SYT7: variants seen among roughly 807,000 people sequenced by gnomAD.
SYT7 encodes the protein synaptotagmin-7.
SYT7 carries 29 observed loss-of-function variants against 75.1 expected under a neutral mutation model. That is an observed-to-expected ratio of 0.39 (90% CI 0.29 to 0.53). The LOEUF (loss-of-function observed/expected upper bound fraction) is 0.53, where lower values mean the gene tolerates loss of function less well. Among genes scored for constraint, SYT7 ranks in the 20% least tolerant of loss-of-function variants. SYT7 has a pLI of 0.77. For synonymous variants in SYT7, 376 were observed against 401.7 expected, an observed-to-expected ratio of 0.94 and a Z score of 0.76; for missense variants, 693 against 953.2, an observed-to-expected ratio of 0.73 and a Z score of 3.59.
rs2063078633 is a variant in SYT7 at position 61,542,686 on chromosome 11, G to A, written c.573-107C>T. The A allele has an allele frequency of 2.0e-5, 28 of 1,396,206 alleles. No homozygotes were observed. The highest frequency in any genetic ancestry group is 1.6e-4 in the Admixed American group (5 of 31,424). The allele number at this position is 1,396,206 out of a possible 1,614,324, so 86.5% of individuals were successfully genotyped here. A position where few individuals can be genotyped will look rare whatever the true frequency, so the allele number is the denominator to read the frequency against. Reference sequence around the variant, plus strand: ...ACTAGGAGGCCCCAGTGCAGGGTGCGCGCTGCCGGACCTCGCCAGGCCTCC... The same window carrying A: ...ACTAGGAGGCCCCAGTGCAGGGTGCACGCTGCCGGACCTCGCCAGGCCTCC... On this transcript the variant is annotated intron_variant, in intron 5 of 12. Transcript: ENST00000539008. This position sits in a 1 kb window ranked among gnomAD's most constrained non-coding sequence, Gnocchi z 7.8.
intron 3 of SYT7, among the ~76,000 whole-genome samples, chr11:61,547,678 T>C (rs2063233148): frequency 2.0e-5 from 3 of 148,942 alleles, no homozygotes; most frequent in Admixed American, 6.7e-5. Context: ...GGGTTGGGGA[T>C]GAGGCCTGGG....
chr11:61,535,611 G>A (rs2062846904), intron 7 of SYT7, among the ~76,000 whole-genome samples: 1 of 152,172 alleles, frequency 6.6e-6, no homozygotes, highest in Non-Finnish European at 1.5e-5. Context: ...GGGGACTTCA[G>A]GGACACCAAG....
At chr11:61,560,195 A>G (rs886932224) in intron 1 of SYT7, among the ~76,000 whole-genome samples, 1 of 152,186 alleles carries the variant, frequency 6.6e-6, no homozygotes, top group African/African-American at 2.4e-5. Context: ...CTCAGATTCT[A>G]TACCCTTTGC....
chr11:61,571,513 G>A (rs2063919965), intron 1 of SYT7, among the ~76,000 whole-genome samples: 1 of 152,208 alleles, frequency 6.6e-6, no homozygotes, highest in African/African-American at 2.4e-5. Context: ...CAGTGACGTG[G>A]GCCACCACAC....
intron 9 of SYT7, chr11:61,525,733 C>T (rs1284773294): frequency 6.6e-6 from 1 of 152,214 alleles, no homozygotes; most frequent in African/African-American, 2.4e-5. Context: ...GCTTCTGGCA[C>T]ATAGTAGGCA....
At chr11:61,539,235 G>A (rs914881149) in intron 6 of SYT7, among the ~76,000 whole-genome samples, 2 of 152,170 alleles carry the variant, frequency 1.3e-5, no homozygotes, top group Non-Finnish European at 2.9e-5. Flanking sequence ...ACGGGGAGGG[G>A]GTAGGCAAGA....
chr11:61,552,102 C>A (rs1187219087), intron 2 of SYT7, among the ~76,000 whole-genome samples: 7 of 152,088 alleles, frequency 4.6e-5, no homozygotes, highest in Non-Finnish European at 8.8e-5. Flanking sequence ...CCCCTGCCCC[C>A]CAGAGTCCCT....
chr11:61,561,065 G>A (rs375623920), intron 1 of SYT7, among the ~76,000 whole-genome samples: 7 of 152,190 alleles, frequency 4.6e-5, no homozygotes, highest in East Asian at 3.9e-4. Context: ...AGGCAAAGCC[G>A]CCCCAGCCCT....
Position 61,547,206 on chromosome 11 carries a change from G to A in SYT7, c.318C>T (p.Ala106=). 6.5e-7 allele frequency: 1 copy of A among 1,535,724 alleles called. No homozygotes were observed. Among genetic ancestry groups the A allele is most frequent in the East Asian group, 2.4e-5 (1 of 40,906 alleles). ...KEFILNISPY[A]PYGDPRLSLN... ...GGGACAGTCGTGGGTCGCCATAAGG[G>A]GCGTAGGGTGAAATGTTTAGAATAA... Residue 106 remains alanine (A), a synonymous_variant, in exon 4 of 13, where the codon GCC becomes GCT. Coordinates refer to ENST00000539008, the MANE Select transcript of SYT7 (RefSeq NM_001365809.2).
At chr11:61,562,815 G>C (rs1222441996) in intron 1 of SYT7, among the ~76,000 whole-genome samples, 1 of 152,072 alleles carries the variant, frequency 6.6e-6, no homozygotes, top group Non-Finnish European at 1.5e-5. Flanking sequence ...ACCCAATCCG[G>C]TCCCTTACCA....
At chr11:61,529,207 T>C (rs1020573428) in intron 8 of SYT7, among the ~76,000 whole-genome samples, 4 of 152,164 alleles carry the variant, frequency 2.6e-5, no homozygotes, top group Non-Finnish European at 5.9e-5. Context: ...GGACCCTGGG[T>C]ACCACAGTTA....
intron 1 of SYT7, among the ~76,000 whole-genome samples, chr11:61,579,753 G>A (rs2064192772): frequency 6.6e-6 from 1 of 152,238 alleles, no homozygotes; most frequent in South Asian, 2.1e-4. Context: ...AGGGAGCCTG[G>A]AGGCTCTTCG....
At chr11:61,573,887 G>A (rs1005298978) in intron 1 of SYT7, among the ~76,000 whole-genome samples, 2 of 152,236 alleles carry the variant, frequency 1.3e-5, no homozygotes, top group East Asian at 1.9e-4. Context: ...GTCTGGCAGC[G>A]TGGCTGGAAT....
chr11:61,551,546 G>T lies in SYT7; in HGVS notation c.136-83C>A. 7.1e-7 allele frequency: 1 copy of T among 1,415,808 alleles called. No homozygotes were observed. 87.7% of individuals were successfully genotyped at this position (1,415,808 alleles called of 1,614,324 possible). On this transcript the variant is annotated intron_variant, in intron 2 of 12. Transcript: ENST00000539008. The surrounding 1 kb of genome is among the most constrained non-coding windows in gnomAD (Gnocchi z 5.3). ...CCCAGAACAGGGACCCGGAGGGGAAGGAGATAGACTGGAGTCGGGCCGTGG... is the reference window on the plus strand; with the variant it reads ...CCCAGAACAGGGACCCGGAGGGGAATGAGATAGACTGGAGTCGGGCCGTGG...
intron 3 of SYT7, among the ~76,000 whole-genome samples, chr11:61,548,792 G>A (rs980201662): frequency 2.0e-5 from 3 of 152,232 alleles, no homozygotes; most frequent in African/African-American, 4.8e-5. Flanking sequence ...GAAAGATGAA[G>A]AGAGGCTGAG....
chr11:61,530,912 C>A lies in SYT7; in HGVS notation c.1200+2077G>T, dbSNP rs370587998. ...ACAGTCAGGGAAGGTGCTTCCTGAG[C>A]GCTTGCACCAGCAGAAGTCAGCCTC... On this transcript the variant is annotated intron_variant, in intron 8 of 12. Coordinates refer to ENST00000539008, the MANE Select transcript of SYT7 (RefSeq NM_001365809.2). 12 of 985,426 alleles carry A rather than the reference C, an allele frequency of 1.2e-5. No homozygotes were observed. In the East Asian group the frequency reaches 1.0e-3, roughly 84 times the overall value. 61.0% of individuals were successfully genotyped at this position (985,426 alleles called of 1,614,324 possible).
In SYT7 at chr11:61,550,507, C is replaced by T. The variant is rs547521327; in HGVS notation, c.215+877G>A. Among the ~76,000 whole-genome samples the T allele has an allele frequency of 4.6e-5, 7 of 152,172 alleles. No homozygotes were observed. The South Asian group carries it at 1.5e-3, about 32-fold the overall frequency. ...TGGAGGTAGGGAGGGATGGGGCGCT[C>T]GGCTTCTAGGCAGAGCCCTTTGGCT... is the stretch of plus-strand genomic sequence containing the variant. On this transcript the variant is annotated intron_variant, in intron 3 of 12. Coordinates refer to ENST00000539008, the MANE Select transcript of SYT7 (RefSeq NM_001365809.2).
rs1310464560 is a variant in SYT7, at chr11:61,523,242, C to T, written c.1789G>A (p.Asp597Asn). Residue 597 changes from aspartate (D) to asparagine (N), a missense_variant, in exon 12 of 13, where the codon GAC becomes AAC. By Grantham distance (23) the Asp-to-Asn change is conservative. This residue lies in a region of SYT7 where 206 missense variants were observed against 360.0 expected (regional missense o/e 0.57). Transcript: ENST00000539008. This position sits in a 1 kb window ranked among gnomAD's most constrained non-coding sequence, Gnocchi z 5.0. Reference protein sequence around the residue: ...PYVKVWLMYKDKRVEKKKTVT... With the variant: ...PYVKVWLMYKNKRVEKKKTVT... ...GTCTTCTTCTTCTCCACCCGCTTGT[C>T]CTTGTACATCAGCCATACCTTCACG... The T allele has an allele frequency of 2.5e-6, 4 of 1,614,158 alleles. No individual in the cohort carries two copies. The highest frequency in any genetic ancestry group is 3.4e-6 in the Non-Finnish European group (4 of 1,180,032).
upstream of SYT7, among the ~76,000 whole-genome samples, chr11:61,581,694 A>C (rs185597011): frequency 1.2e-4 from 18 of 152,300 alleles, 1 homozygote; most frequent in East Asian, 3.5e-3. Flanking sequence ...CCTCGGTAGG[A>C]GGTTTGGCCT....
Sources: gnomAD v4.1 joint callset for allele counts (sites outside exome capture counted in the v4.1 genomes callset) on GRCh38, gnomAD v4.1.1 for gene constraint, gnomAD v4.1.1 regional missense constraint, Gnocchi (gnomAD v3.1) non-coding constraint, MANE v1.5 for transcripts, NCBI Gene and HGNC (gene_info 2026-07-23, HGNC 2026-07-21) for gene names.